GRM7: variants seen among roughly 807,000 people sequenced by gnomAD.
The protein encoded by GRM7 is metabotropic glutamate receptor 7.
A neutral mutation model predicts 84.5 loss-of-function variants in GRM7; 35 were observed. The observed-to-expected ratio is 0.41, with a 90% CI of 0.32 to 0.55. GRM7 has a LOEUF of 0.55. GRM7 is among the 20% of genes least tolerant of loss of function. The pLI, the probability that GRM7 is intolerant of heterozygous loss-of-function variation, is 0.19. For synonymous variants in GRM7, 487 were observed against 455.1 expected (o/e 1.07, Z -0.89); for missense variants, 1,003 against 1,194.6 (o/e 0.84, Z 2.36).
At chr3:7,549,799 T>C (rs1575481580) in intron 7 of GRM7, among the ~76,000 whole-genome samples, 2 of 152,214 alleles carry the variant, frequency 1.3e-5, no homozygotes, top group African/African-American at 4.8e-5. Flanking sequence ...CTTTCCCAAT[T>C]CTGAAAATTG....
At chr3:7,676,624 G>C (rs1365025569) in intron 8 of GRM7, among the ~76,000 whole-genome samples, 1 of 152,004 alleles carries the variant, frequency 6.6e-6, no homozygotes, top group Non-Finnish European at 1.5e-5. Context: ...ACACCTGGTG[G>C]GGTTTTGCCA....
chr3:6,862,787 G>GGAC lies in GRM7; in HGVS notation c.519+883_519+885dup. 1 of 319,500 alleles carries GGAC rather than the reference G, an allele frequency of 3.1e-6. No homozygotes were observed. The highest frequency in any genetic ancestry group is 6.2e-6 in the Non-Finnish European group (1 of 160,446). The allele number at this position is 319,500 out of a possible 1,614,324, so 19.8% of individuals were successfully genotyped here. A position where few individuals can be genotyped will look rare whatever the true frequency, so the allele number is the denominator to read the frequency against. On this transcript the variant is annotated intron_variant, in intron 1 of 9. Transcript: ENST00000357716. This position sits in a 1 kb window ranked among gnomAD's most constrained non-coding sequence, Gnocchi z 5.2. Reference sequence around the variant, plus strand: ...CCCCAAGCCAAATCCTCGGCTTGGAGGACGATTCCCGGAGCGAGGCATGAA... The same window carrying GGAC: ...CCCCAAGCCAAATCCTCGGCTTGGAGGACGACGATTCCCGGAGCGAGGCATGAA...
intron 4 of GRM7, among the ~76,000 whole-genome samples, chr3:7,344,640 A>T (rs1032308117): frequency 1.3e-5 from 2 of 152,194 alleles, no homozygotes; most frequent in African/African-American, 2.4e-5. Flanking sequence ...AAGAACCTGG[A>T]GTGCATTACA....
chr3:7,238,996 C>CTTTTTTT (rs567509392), intron 2 of GRM7, among the ~76,000 whole-genome samples: 8 of 118,342 alleles, frequency 6.8e-5, no homozygotes, highest in East Asian at 4.9e-4. Flanking sequence ...TTTCTTTTTT[C>CTTTTTTT]CTTTTTCTTT....
intron 1 of GRM7, among the ~76,000 whole-genome samples, chr3:6,932,674 C>T (rs1005264465): frequency 6.7e-6 from 1 of 150,316 alleles, no homozygotes; most frequent in East Asian, 1.9e-4. Context: ...TCACATATAA[C>T]TTTCCAGTTG....
intron 2 of GRM7, among the ~76,000 whole-genome samples, chr3:7,260,815 G>A (rs1414444692): frequency 6.6e-6 from 1 of 151,966 alleles, no homozygotes; most frequent in Admixed American, 6.6e-5. Flanking sequence ...ATGATAGGTT[G>A]CTAAATTGAG....
At chr3:7,531,671 A>C (rs1352696911) in intron 7 of GRM7, among the ~76,000 whole-genome samples, 1 of 152,164 alleles carries the variant, frequency 6.6e-6, no homozygotes, top group African/African-American at 2.4e-5. Flanking sequence ...GAGACTTTGC[A>C]GAAGTAGCTT....
chr3:6,968,609 A>G (rs181807232), intron 1 of GRM7, among the ~76,000 whole-genome samples: 3 of 152,312 alleles, frequency 2.0e-5, no homozygotes, highest in Admixed American at 1.3e-4. Flanking sequence ...TATCAGGATC[A>G]TTATTTTAAT....
intron 1 of GRM7, among the ~76,000 whole-genome samples, chr3:7,141,510 TTTATTTATAGCTATA>T (rs1281724724): frequency 3.9e-5 from 6 of 152,060 alleles, no homozygotes; most frequent in African/African-American, 1.4e-4. Flanking sequence ...TCTACCCAAA[TTTATTTATAGCTATA>T]CTATGATTCT....
chr3:7,448,843 C>G (rs1487789595), intron 5 of GRM7, among the ~76,000 whole-genome samples: 7 of 151,358 alleles, frequency 4.6e-5, no homozygotes, highest in Admixed American at 1.3e-4. Flanking sequence ...GCATTCTCTC[C>G]AGGATGATTG....
At chr3:7,354,394 G>T (rs1273414314) in intron 4 of GRM7, among the ~76,000 whole-genome samples, 1 of 152,040 alleles carries the variant, frequency 6.6e-6, no homozygotes, top group Non-Finnish European at 1.5e-5. Flanking sequence ...CCACCCTATG[G>T]TTATTTTCCC....
intron 8 of GRM7, among the ~76,000 whole-genome samples, chr3:7,630,028 C>T (rs796586871): frequency 2.3e-4 from 35 of 152,250 alleles, no homozygotes; most frequent in African/African-American, 7.7e-4. Flanking sequence ...GAGTTGGAAA[C>T]GAGGTGGTAT....
chr3:7,627,330 T>C (rs1697659195), intron 8 of GRM7, among the ~76,000 whole-genome samples: 1 of 152,174 alleles, frequency 6.6e-6, no homozygotes, highest in Non-Finnish European at 1.5e-5. Flanking sequence ...GAGTACAAAT[T>C]AGCACTCTAT....
chr3:6,945,637 C>T (rs1424933129), intron 1 of GRM7, among the ~76,000 whole-genome samples: 2 of 152,128 alleles, frequency 1.3e-5, no homozygotes, highest in Non-Finnish European at 2.9e-5. Flanking sequence ...GGAATCGCCA[C>T]ACCGACTTCC....
chr3:6,866,375 A>C (rs964367627), intron 1 of GRM7, among the ~76,000 whole-genome samples: 2 of 151,916 alleles, frequency 1.3e-5, no homozygotes, highest in African/African-American at 4.8e-5. Flanking sequence ...AGTTTCTAAA[A>C]GTCTGTAATC....
intron 4 of GRM7, among the ~76,000 whole-genome samples, chr3:7,338,077 C>A (rs59426724): frequency 0.039 from 5,867 of 150,330 alleles, 243 homozygotes; most frequent in African/African-American, 0.11. Flanking sequence ...TTAAAGCATA[C>A]ATTTATATAT....
intron 1 of GRM7, among the ~76,000 whole-genome samples, chr3:7,075,658 T>G (rs1253914498): frequency 6.6e-6 from 1 of 151,952 alleles, no homozygotes; most frequent in Non-Finnish European, 1.5e-5. Flanking sequence ...CCTGAGTAGC[T>G]GGGATTACAG....
At chr3:7,089,130 A>G (rs930002800) in intron 1 of GRM7, among the ~76,000 whole-genome samples, 3 of 152,170 alleles carry the variant, frequency 2.0e-5, no homozygotes, top group South Asian at 2.1e-4. Flanking sequence ...GAAAATTCCA[A>G]CTTTATTGGG....
chr3:6,972,398 G>A (rs536267163), intron 1 of GRM7, among the ~76,000 whole-genome samples: 4 of 152,250 alleles, frequency 2.6e-5, no homozygotes, highest in African/African-American at 9.6e-5. Flanking sequence ...CAGAAGGTAA[G>A]GGTAAAGGAC....
Sources: allele counts gnomAD v4.1 joint callset (sites outside exome capture counted in the v4.1 genomes callset), GRCh38; gene constraint gnomAD v4.1.1; non-coding constraint Gnocchi (gnomAD v3.1); transcripts MANE v1.5; gene names NCBI Gene and HGNC (gene_info 2026-07-23, HGNC 2026-07-21).